ZNF521: variants seen among roughly 807,000 people sequenced by gnomAD.
ZNF521 encodes LYST-interacting protein 3.
In ZNF521, 14 loss-of-function variants were observed where a neutral mutation model predicts 105.5. The observed-to-expected ratio is 0.13, with a 90% CI of 0.09 to 0.21. ZNF521 has a LOEUF of 0.21. Ranked by LOEUF, ZNF521 falls within the 10% of genes least tolerant of loss-of-function variation. The pLI is 1.00. For synonymous variants in ZNF521, 635 were observed against 606.0 expected (o/e 1.05, Z -0.70); for missense variants, 1,233 against 1,629.7 (o/e 0.76, Z 4.19).
intron 3 of ZNF521, among the ~76,000 whole-genome samples, chr18:25,228,041 T>G (rs1250213106): frequency 6.6e-6 from 1 of 152,230 alleles, no homozygotes; most frequent in African/African-American, 2.4e-5. Context: ...AATGTTTCTT[T>G]TGTATTCCTT....
chr18:25,343,148 A>G (rs1914302561), intron 2 of ZNF521, among the ~76,000 whole-genome samples: 1 of 152,226 alleles, frequency 6.6e-6, no homozygotes, highest in African/African-American at 2.4e-5. Context: ...TATCAGGTAA[A>G]TAAGTTTCCA....
intron 5 of ZNF521, among the ~76,000 whole-genome samples, chr18:25,119,824 G>C (rs1301688871): frequency 6.6e-6 from 1 of 151,692 alleles, no homozygotes; most frequent in Non-Finnish European, 1.5e-5. Context: ...AAACAATAAA[G>C]ATAAAAATAG....
chr18:25,308,648 ATCCCC>A (rs1487889909), intron 3 of ZNF521, among the ~76,000 whole-genome samples: 14 of 116,356 alleles, frequency 1.2e-4, no homozygotes, highest in African/African-American at 3.4e-4. Context: ...CCTTAATGAC[ATCCCC>A]CCCCCCCCAC....
chr18:25,331,734 G>A (rs1429061068), intron 2 of ZNF521, among the ~76,000 whole-genome samples: 1 of 152,114 alleles, frequency 6.6e-6, no homozygotes, highest in African/African-American at 2.4e-5. Flanking sequence ...ATTAGCTTGG[G>A]GGGAAAGTGT....
chr18:25,066,521 G>C (rs1220131634), intron 7 of ZNF521, among the ~76,000 whole-genome samples: 1 of 152,152 alleles, frequency 6.6e-6, no homozygotes, highest in Non-Finnish European at 1.5e-5. Context: ...CTCTGGTCTC[G>C]ACTAAAGATT....
chr18:25,166,970 T>A (rs1465339509), intron 5 of ZNF521, among the ~76,000 whole-genome samples: 1 of 152,014 alleles, frequency 6.6e-6, no homozygotes, highest in Non-Finnish European at 1.5e-5. Context: ...TTTCATTAAC[T>A]AATAATAAAC....
At chr18:25,119,946 A>G (rs112541777) in intron 5 of ZNF521, among the ~76,000 whole-genome samples, 2,486 of 152,318 alleles carry the variant, frequency 0.016, 66 homozygotes, top group African/African-American at 0.055. Context: ...GGAAGAAAAG[A>G]CAGTACAAAT....
intron 3 of ZNF521, among the ~76,000 whole-genome samples, chr18:25,266,101 A>G (rs190983747): frequency 6.6e-6 from 1 of 152,232 alleles, no homozygotes; most frequent in African/African-American, 2.4e-5. Context: ...CATAGAATGA[A>G]TGAATAAGAC....
intron 3 of ZNF521, among the ~76,000 whole-genome samples, chr18:25,232,403 C>G (rs1321802160): frequency 2.0e-5 from 3 of 152,182 alleles, no homozygotes; most frequent in African/African-American, 7.2e-5. Context: ...GCATGTATTT[C>G]TGTTTCCATG....
At chr18:25,174,782 T>G (rs2035507996) in intron 5 of ZNF521, among the ~76,000 whole-genome samples, 1 of 152,200 alleles carries the variant, frequency 6.6e-6, no homozygotes, top group Non-Finnish European at 1.5e-5. Flanking sequence ...CATGCAAATT[T>G]AAATCCCCCA....
chr18:25,297,320 GA>G (rs1911379149), intron 3 of ZNF521, among the ~76,000 whole-genome samples: 1 of 151,980 alleles, frequency 6.6e-6, no homozygotes, highest in South Asian at 2.1e-4. Flanking sequence ...TTTGCTAACA[GA>G]GATGTTCTAG....
chr18:25,176,923 G>A (rs1040555882), intron 5 of ZNF521, among the ~76,000 whole-genome samples: 13 of 152,170 alleles, frequency 8.5e-5, no homozygotes, highest in African/African-American at 3.1e-4. Context: ...CGCTGGCGTG[G>A]AACCTGGTGT....
chr18:25,294,577 C>T (rs45526737), intron 3 of ZNF521, among the ~76,000 whole-genome samples: 1,536 of 152,192 alleles, frequency 0.01, 11 homozygotes, highest in Middle Eastern at 0.024. Flanking sequence ...GTTTAGGCTG[C>T]CAGGTGCAGT....
intron 3 of ZNF521, among the ~76,000 whole-genome samples, chr18:25,292,693 T>C (rs997737050): frequency 6.6e-6 from 1 of 152,206 alleles, no homozygotes; most frequent in African/African-American, 2.4e-5. Flanking sequence ...GTGGCTTCTG[T>C]TGTTGCTTCT....
chr18:25,255,934 G>A (rs1908451131), intron 3 of ZNF521, among the ~76,000 whole-genome samples: 1 of 148,224 alleles, frequency 6.7e-6, no homozygotes, highest in African/African-American at 2.5e-5. Flanking sequence ...AAAATGTGGT[G>A]TATATATATG....
chr18:25,130,820 G>A (rs543089615), intron 5 of ZNF521, among the ~76,000 whole-genome samples: 2 of 152,128 alleles, frequency 1.3e-5, no homozygotes, highest in East Asian at 3.9e-4. Flanking sequence ...GTGCATGCCT[G>A]TAGTCCCAGC....
chr18:25,138,032 G>C (rs1021144521), intron 5 of ZNF521, among the ~76,000 whole-genome samples: 1 of 152,074 alleles, frequency 6.6e-6, no homozygotes, highest in Non-Finnish European at 1.5e-5. Flanking sequence ...CTTCCACACA[G>C]ACATCCTCAC....
intron 5 of ZNF521, among the ~76,000 whole-genome samples, chr18:25,176,790 A>G (rs1184120737): frequency 6.6e-6 from 1 of 152,252 alleles, no homozygotes; most frequent in Non-Finnish European, 1.5e-5. Context: ...TCCTTACAGA[A>G]TAAATGACAA....
chr18:25,098,366 C>T (rs2033896333), intron 5 of ZNF521, among the ~76,000 whole-genome samples: 1 of 152,036 alleles, frequency 6.6e-6, no homozygotes, highest in Non-Finnish European at 1.5e-5. Flanking sequence ...TGAATCTAAA[C>T]ATGGACCCCA....
Sources: gnomAD v4.1 joint callset for allele counts (sites outside exome capture counted in the v4.1 genomes callset) on GRCh38, gnomAD v4.1.1 for gene constraint, MANE v1.5 for transcripts, NCBI Gene and HGNC (gene_info 2026-07-23, HGNC 2026-07-21) for gene names.